OTOA: variants seen among roughly 807,000 people sequenced by gnomAD.
OTOA encodes the protein cancer/testis antigen 108.
In OTOA, 70 loss-of-function variants were observed where a neutral mutation model predicts 110.8. The ratio of observed to expected loss-of-function variants is 0.63; its 90% confidence interval spans 0.52 to 0.77. OTOA has a LOEUF of 0.77. OTOA is among the 30% of genes least tolerant of loss of function. The probability of loss-of-function intolerance (pLI) is 0.00; values close to 1 mark genes in which losing one functional copy is unlikely to be tolerated. For missense variants in OTOA, 917 were observed against 1,075.8 expected, an observed-to-expected ratio of 0.85 and a Z score of 2.06; for synonymous variants, 373 against 431.5, an observed-to-expected ratio of 0.86 and a Z score of 1.68.
At chr16:21,710,599 A>G (rs1004574029) in intron 13 of OTOA, among the ~76,000 whole-genome samples, 4 of 152,190 alleles carry the variant, frequency 2.6e-5, no homozygotes, top group African/African-American at 7.2e-5. Context: ...GATGCTGAGG[A>G]GGACTGCCTG....
chr16:21,700,932 C>G lies in OTOA; in HGVS notation c.885C>G (p.Asp295Glu). ...ISYDNATKQL[D>E]MVYDITPELA... Reference sequence around the variant, plus strand: ...ATGACAACGCCACCAAGCAGCTGGACATGGTCTATGACATCACACCTGAGC... The same window carrying G: ...ATGACAACGCCACCAAGCAGCTGGAGATGGTCTATGACATCACACCTGAGC... Residue 295 changes from aspartate (D) to glutamate (E), a missense_variant, in exon 11 of 29, where the codon GAC becomes GAG. By Grantham distance (45) the Asp-to-Glu change is conservative. This residue lies in a region of OTOA where 840 missense variants were observed against 910.2 expected (regional missense o/e 0.92). Transcript: ENST00000646100. The G allele has an allele frequency of 6.2e-7, 1 of 1,614,064 alleles. No individual in the cohort carries two copies. The highest frequency in any genetic ancestry group is 8.5e-7 in the Non-Finnish European group (1 of 1,180,008).
At chr16:21,667,039 G>A (rs1428454378) in intron 1 of OTOA, among the ~76,000 whole-genome samples, 1 of 152,094 alleles carries the variant, frequency 6.6e-6, no homozygotes, top group Non-Finnish European at 1.5e-5. Flanking sequence ...CCAAAGGGAA[G>A]GGAGAAAAAA....
Position 21,681,828 on chromosome 16 carries a change from G to A in OTOA, c.267+3G>A. On this transcript the variant is annotated splice_donor_region_variant and intron_variant, in intron 6 of 28. Transcript: ENST00000646100. ...CCTTCACCATCCCCAGCCTGCAGGT[G>A]TGTACCTGAGACCCATCTATATGTT... 1.2e-6 allele frequency: 2 copies of A among 1,611,752 alleles called. No homozygotes were observed. The highest frequency in any genetic ancestry group is 1.7e-6 in the Non-Finnish European group (2 of 1,177,812).
Position 21,700,997 on chromosome 16 carries a change from T to G in OTOA, c.950T>G (p.Phe317Cys). 6.2e-7 allele frequency: 1 copy of G among 1,614,120 alleles called. No homozygotes were observed. The highest frequency in any genetic ancestry group is 8.5e-7 in the Non-Finnish European group (1 of 1,180,004). Residue 317 changes from phenylalanine to cysteine, a missense_variant, in exon 11 of 29, where the codon TTT (phenylalanine) becomes TGT (cysteine). Physicochemically the swap from Phe to Cys is radical, Grantham distance 205. Coordinates refer to ENST00000646100, the MANE Select transcript of OTOA (RefSeq NM_144672.4). ...AFLERISSSN[F>C]NMRNTSTIHR... ...CTGGAGAGGATCAGCTCCTCCAACTTTAACATGAGGAATACCTCCACCATC... is the reference window on the plus strand; with the variant it reads ...CTGGAGAGGATCAGCTCCTCCAACTGTAACATGAGGAATACCTCCACCATC...
rs1230749523 is a variant in OTOA at position 21,709,948 on chromosome 16, T to A, written c.1165T>A (p.Ser389Thr). Residue 389 changes from serine (S) to threonine (T), a missense_variant, in exon 13 of 29, where the codon TCT becomes ACT. Ser to Thr is a moderately conservative substitution (Grantham distance 58). This residue lies in a region of OTOA where 840 missense variants were observed against 910.2 expected (regional missense o/e 0.92). Coordinates refer to ENST00000646100, the MANE Select transcript of OTOA (RefSeq NM_144672.4). ...CCAGACCCTCAATGAGACCCTGGGT[T>A]CTTTGTCGGATGCAGTTGTAGGTTT... ...ENQTLNETLG[S>T]LSDAVVGLTY... is the part of the protein sequence containing the mutation. 1 of 1,613,972 alleles carries A rather than the reference T, an allele frequency of 6.2e-7. No homozygotes were observed. The highest frequency in any genetic ancestry group is 1.7e-5 in the Admixed American group (1 of 59,996).
At chr16:21,754,066 CTA>C (rs1404461602) in intron 27 of OTOA, among the ~76,000 whole-genome samples, 1 of 135,274 alleles carries the variant, frequency 7.4e-6, no homozygotes, top group Non-Finnish European at 1.6e-5. Context: ...CTCTCTCTCT[CTA>C]TATATATATA....
At chr16:21,689,872 G>T (rs1052457269) in intron 8 of OTOA, among the ~76,000 whole-genome samples, 12 of 152,074 alleles carry the variant, frequency 7.9e-5, no homozygotes, top group African/African-American at 2.7e-4. Flanking sequence ...TTTTAGTAGA[G>T]ACAGAGTTTC....
intron 10 of OTOA, among the ~76,000 whole-genome samples, chr16:21,700,408 G>A (rs1427808723): frequency 6.6e-6 from 1 of 152,130 alleles, no homozygotes; most frequent in East Asian, 1.9e-4. Flanking sequence ...AACTAAAGTA[G>A]CAGTTACAGA....
intron 12 of OTOA, chr16:21,705,575 C>T (rs1898147714): frequency 4.5e-6 from 2 of 441,586 alleles, no homozygotes; most frequent in Admixed American, 3.5e-5. Flanking sequence ...TTTGGGAGGC[C>T]AAGATGGGAG....
At chr16:21,735,344 A>G (rs1201803366) in intron 21 of OTOA, among the ~76,000 whole-genome samples, 1 of 151,746 alleles carries the variant, frequency 6.6e-6, no homozygotes, top group East Asian at 1.9e-4. Context: ...TGCTACATGC[A>G]TTTAAACAAC....
At chr16:21,733,465 G>C (rs547835820) in intron 21 of OTOA, among the ~76,000 whole-genome samples, 1 of 152,100 alleles carries the variant, frequency 6.6e-6, no homozygotes, top group African/African-American at 2.4e-5. Flanking sequence ...GTACAGCCAG[G>C]GTTGAAGAAC....
At chr16:21,701,411 A>T (rs1898050501) in intron 11 of OTOA, among the ~76,000 whole-genome samples, 2 of 152,192 alleles carry the variant, frequency 1.3e-5, no homozygotes, top group African/African-American at 4.8e-5. Context: ...GGGTCCCCAT[A>T]TATGAGAACC....
At chr16:21,719,651 T>C in intron 17 of OTOA, 147 bp downstream of exon 17, 1 of 811,428 alleles carries the variant, frequency 1.2e-6, no homozygotes, top group Non-Finnish European at 2.1e-6. Flanking sequence ...CCAGGTTTTT[T>C]CCAGTTTCTT....
At chr16:21,751,835 G>C in intron 24 of OTOA, 100 bp from the exon 25 acceptor site, 1 of 251,740 alleles carries the variant, frequency 4.0e-6, no homozygotes, top group Non-Finnish European at 7.8e-6. Flanking sequence ...TAGGATGGGA[G>C]ATCAGTCAGG....
At chr16:21,685,433 G>C in intron 7 of OTOA, 72 bp downstream of exon 7, 1 of 1,586,798 alleles carries the variant, frequency 6.3e-7, no homozygotes, top group Non-Finnish European at 8.6e-7. Context: ...TTGAATAAAT[G>C]GAGCCTGACT....
chr16:21,688,578 G>T (rs1162654214), intron 8 of OTOA, among the ~76,000 whole-genome samples: 1 of 152,096 alleles, frequency 6.6e-6, no homozygotes, highest in African/African-American at 2.4e-5. Flanking sequence ...ATTTCTCATG[G>T]TTCTGGAGGC....
intron 6 of OTOA, chr16:21,684,480 A>G: frequency 6.5e-7 from 1 of 1,548,926 alleles, no homozygotes; most frequent in South Asian, 1.2e-5. Context: ...GCACAGTGCC[A>G]TCTGGGGTTC....
intron 9 of OTOA, among the ~76,000 whole-genome samples, chr16:21,693,866 G>A (rs766190376): frequency 5.8e-4 from 89 of 152,180 alleles, no homozygotes; most frequent in Non-Finnish European, 6.9e-4. Flanking sequence ...ATAAACCACT[G>A]CACCCAGGCA....
Position 21,719,138 on chromosome 16 carries a change from G to T in OTOA, c.1635G>T (p.Leu545=), listed in dbSNP as rs1421687267. ...CGATCATTCTCTTCTCGCAGGCTCT[G>T]TTCCTGTATGAGCTTCTGTTAAAGA... is the stretch of plus-strand genomic sequence containing the variant. ...KDKELGRSQA[L]FLYELLLKTT... The change falls in exon 16 of 29, where the codon CTG becomes CTT. Residue 545 remains leucine (L), a synonymous_variant. Coordinates refer to ENST00000646100, the MANE Select transcript of OTOA (RefSeq NM_144672.4). 6.2e-7 allele frequency: 1 copy of T among 1,613,848 alleles called. No individual in the cohort carries two copies. Among genetic ancestry groups the T allele is most frequent in the South Asian group, 1.1e-5 (1 of 91,066 alleles).
Sources: gnomAD v4.1 joint callset for allele counts (sites outside exome capture counted in the v4.1 genomes callset) on GRCh38, gnomAD v4.1.1 for gene constraint, gnomAD v4.1.1 regional missense constraint, MANE v1.5 for transcripts, NCBI Gene and HGNC (gene_info 2026-07-23, HGNC 2026-07-21) for gene names.